Variants in MYO9A observed in about 807,000 individuals in gnomAD.
MYO9A encodes myosin IXA.
In MYO9A, 103 loss-of-function variants were observed where a neutral mutation model predicts 293.3. The observed-to-expected ratio is 0.35, with a 90% CI of 0.30 to 0.41. The LOEUF (loss-of-function observed/expected upper bound fraction) is 0.41. Ranked by LOEUF, MYO9A falls within the 10% of genes least tolerant of loss-of-function variation. The pLI, the probability that MYO9A is intolerant of heterozygous loss-of-function variation, is 1.00. For synonymous variants in MYO9A, 1,001 were observed against 1,035.7 expected (o/e 0.97, Z 0.64); for missense variants, 2,685 against 3,033.0 (o/e 0.89, Z 2.69).
rs2055774424 is a variant in MYO9A at position 71,854,234 on chromosome 15, A to G, written c.6346+143T>C. The G allele has an allele frequency of 8.7e-6, 6 of 688,452 alleles. No homozygotes were observed. In the Admixed American group the frequency reaches 1.4e-4, roughly 16 times the overall value. 42.6% of individuals were successfully genotyped at this position (688,452 alleles called of 1,614,324 possible). A position where few individuals can be genotyped will look rare whatever the true frequency, so the allele number is the denominator to read the frequency against. ...AACCAAAGACTCTTTAGAAAGCCAA[A>G]AAATGATAACAAAGCATCACAGAAA... On this transcript the variant is annotated intron_variant, in intron 35 of 41. Coordinates refer to ENST00000356056, the MANE Select transcript of MYO9A (RefSeq NM_006901.4).
chr15:71,855,512 T>C (rs961426089), intron 34 of MYO9A, among the ~76,000 whole-genome samples: 1 of 152,218 alleles, frequency 6.6e-6, no homozygotes, highest in Non-Finnish European at 1.5e-5. Flanking sequence ...CTTAAGATTA[T>C]TTGAAGTAAT....
At chr15:71,941,043 T>C (rs2058760597) in intron 15 of MYO9A, among the ~76,000 whole-genome samples, 1 of 152,166 alleles carries the variant, frequency 6.6e-6, no homozygotes, top group South Asian at 2.1e-4. Context: ...ATTTTAAACA[T>C]AAAAGTGGCC....
chr15:71,908,456 C>T (rs552099071), intron 19 of MYO9A, among the ~76,000 whole-genome samples: 7 of 152,294 alleles, frequency 4.6e-5, no homozygotes, highest in African/African-American at 7.2e-5. Context: ...AGCCTGTGCC[C>T]GGCCGATAAT....
At chr15:71,831,356 CAG>C (rs1222598201) in intron 39 of MYO9A, among the ~76,000 whole-genome samples, 2 of 152,180 alleles carry the variant, frequency 1.3e-5, no homozygotes, top group Non-Finnish European at 2.9e-5. Flanking sequence ...ATTGTTGAGA[CAG>C]AGATTGGCCT....
At chr15:72,083,171 CTAT>C (rs1447838094) in intron 1 of MYO9A, among the ~76,000 whole-genome samples, 24 of 151,994 alleles carry the variant, frequency 1.6e-4, no homozygotes. Flanking sequence ...GCTCGATGGG[CTAT>C]TTATTACTGA....
intron 18 of MYO9A, among the ~76,000 whole-genome samples, chr15:71,921,064 T>C (rs572186163): frequency 4.6e-5 from 7 of 152,200 alleles, no homozygotes; most frequent in Admixed American, 2.6e-4. Flanking sequence ...TACAAATATA[T>C]AACTGGACAA....
At chr15:71,971,665 A>G (rs2076015148) in intron 12 of MYO9A, among the ~76,000 whole-genome samples, 1 of 151,822 alleles carries the variant, frequency 6.6e-6, no homozygotes, top group Admixed American at 6.6e-5. Flanking sequence ...CTTAAGATAT[A>G]TAGGACGGAA....
At chr15:71,945,523 C>T (rs2058891277) in intron 15 of MYO9A, among the ~76,000 whole-genome samples, 1 of 152,062 alleles carries the variant, frequency 6.6e-6, no homozygotes, top group Non-Finnish European at 1.5e-5. Flanking sequence ...CATAGATGTA[C>T]AGTACATGGA....
chr15:71,991,053 C>G (rs370863673), intron 11 of MYO9A, 50 bp downstream of exon 11: 13 of 1,414,898 alleles, frequency 9.2e-6, no homozygotes, highest in Non-Finnish European at 1.2e-5. Context: ...GAATATGACT[C>G]AAAGATATGT....
At chr15:71,958,357 T>A (rs2059251257) in intron 14 of MYO9A, 1 of 152,148 alleles carries the variant, frequency 6.6e-6, no homozygotes, top group African/African-American at 2.4e-5. Flanking sequence ...ATCCTAAACC[T>A]ACCAAAAGAG....
chr15:71,983,244 T>G (rs2076319145), intron 11 of MYO9A, among the ~76,000 whole-genome samples: 1 of 151,948 alleles, frequency 6.6e-6, no homozygotes, highest in Non-Finnish European at 1.5e-5. Flanking sequence ...ATTTTACTTA[T>G]CCTCTGTATT....
chr15:72,089,762 C>T (rs970203946), intron 1 of MYO9A, among the ~76,000 whole-genome samples: 1 of 152,148 alleles, frequency 6.6e-6, no homozygotes, highest in Non-Finnish European at 1.5e-5. Context: ...GCTTGGACAA[C>T]AGTGTGAGAC....
intron 1 of MYO9A, among the ~76,000 whole-genome samples, chr15:72,108,048 G>A (rs1200450190): frequency 2.0e-5 from 3 of 152,044 alleles, no homozygotes; most frequent in African/African-American, 4.8e-5. Context: ...TAGAAAAATC[G>A]CCATTTTGCA....
intron 1 of MYO9A, among the ~76,000 whole-genome samples, chr15:72,107,015 A>G (rs894925932): frequency 6.6e-6 from 1 of 152,246 alleles, no homozygotes; most frequent in African/African-American, 2.4e-5. Flanking sequence ...TAGAAAAAAC[A>G]TACATCAATG....
chr15:72,032,726 T>A, intron 2 of MYO9A, 138 bp from the exon 3 acceptor site: 1 of 476,226 alleles, frequency 2.1e-6, no homozygotes, highest in South Asian at 5.7e-5. Context: ...GCTTGTATGT[T>A]CAGACTCATT....
intron 2 of MYO9A, among the ~76,000 whole-genome samples, chr15:72,042,920 C>A (rs979298956): frequency 6.6e-6 from 1 of 151,634 alleles, no homozygotes; most frequent in Non-Finnish European, 1.5e-5. Context: ...TAAAAAAAAA[C>A]ACAGCCGAGC....
chr15:71,842,606 T>A (rs1295275501), intron 39 of MYO9A, among the ~76,000 whole-genome samples: 2 of 152,096 alleles, frequency 1.3e-5, no homozygotes, highest in African/African-American at 2.4e-5. Flanking sequence ...ACACTTGTAA[T>A]CCCAGCATTT....
chr15:71,995,972 A>G (rs1222650132), intron 9 of MYO9A, among the ~76,000 whole-genome samples: 1 of 152,164 alleles, frequency 6.6e-6, no homozygotes, highest in African/African-American at 2.4e-5. Flanking sequence ...CTGGTACCAA[A>G]TTCTCTATCT....
At chr15:72,000,544 T>C (rs2076833488) in intron 8 of MYO9A, among the ~76,000 whole-genome samples, 1 of 152,232 alleles carries the variant, frequency 6.6e-6, no homozygotes, top group Non-Finnish European at 1.5e-5. Flanking sequence ...AATATGTTCA[T>C]AAACACTATG....
Sources: allele counts gnomAD v4.1 joint callset (sites outside exome capture counted in the v4.1 genomes callset), GRCh38; gene constraint gnomAD v4.1.1; transcripts MANE v1.5; gene names NCBI Gene and HGNC (gene_info 2026-07-23, HGNC 2026-07-21).